Variants in GPC6 observed in about 807,000 individuals in gnomAD.
GPC6 encodes the protein glypican-6.
GPC6 carries 14 observed loss-of-function variants against 55.2 expected under a neutral mutation model. That is an observed-to-expected ratio of 0.25 (90% CI 0.17 to 0.40). GPC6 has a LOEUF of 0.40. Among genes scored for constraint, GPC6 ranks in the 10% least tolerant of loss-of-function variants. The pLI is 1.00. For missense variants in GPC6, 641 were observed against 708.5 expected (o/e 0.90, Z 1.08); for synonymous variants, 278 against 259.6 (o/e 1.07, Z -0.68).
intron 1 of GPC6, among the ~76,000 whole-genome samples, chr13:93,387,707 T>C (rs1038041737): frequency 6.6e-6 from 1 of 152,216 alleles, no homozygotes; most frequent in African/African-American, 2.4e-5. Context: ...AAATATTTGA[T>C]CTAATTGTAA....
rs752469460 is a variant in GPC6, at chr13:94,403,223, G to A, written c.*6G>A. The A allele has an allele frequency of 3.1e-6, 5 of 1,607,650 alleles. No individual in the cohort carries two copies. The African/African-American group carries it at 6.7e-5, about 21-fold the overall frequency. On this transcript the variant is annotated 3_prime_UTR_variant, in exon 9 of 9. Coordinates refer to ENST00000377047, the MANE Select transcript of GPC6 (RefSeq NM_005708.5). Reference sequence around the variant, plus strand: ...TGCAGAGACTGTGCAGATAATCTTGGGTTTTTGGTCAGATGAAACTGCATT... The same window carrying A: ...TGCAGAGACTGTGCAGATAATCTTGAGTTTTTGGTCAGATGAAACTGCATT...
intron 3 of GPC6, among the ~76,000 whole-genome samples, chr13:93,893,842 A>G (rs559598058): frequency 5.7e-4 from 86 of 152,210 alleles, no homozygotes; most frequent in Non-Finnish European, 1.1e-3. Flanking sequence ...TTTTAGCAGT[A>G]GAACACTTCA....
intron 6 of GPC6, among the ~76,000 whole-genome samples, chr13:94,333,878 A>G (rs1471068821): frequency 6.6e-6 from 1 of 152,194 alleles, no homozygotes; most frequent in African/African-American, 2.4e-5. Flanking sequence ...AGCCTGTGCA[A>G]CTATTAGGAT....
chr13:93,741,133 T>C (rs1337971400), intron 2 of GPC6, among the ~76,000 whole-genome samples: 1 of 144,818 alleles, frequency 6.9e-6, no homozygotes, highest in African/African-American at 2.5e-5. Context: ...TTTTTTTTTT[T>C]TTTTTTTTGA....
At chr13:93,843,474 G>T (rs1888035917) in intron 3 of GPC6, among the ~76,000 whole-genome samples, 2 of 152,142 alleles carry the variant, frequency 1.3e-5, no homozygotes, top group Admixed American at 1.3e-4. Context: ...AAAAAAATGT[G>T]TGGTAGAAAT....
At chr13:94,324,761 A>C (rs1877025848) in intron 6 of GPC6, among the ~76,000 whole-genome samples, 1 of 152,120 alleles carries the variant, frequency 6.6e-6, no homozygotes, top group African/African-American at 2.4e-5. Flanking sequence ...CTATCTCAGA[A>C]AATGCAGCAT....
rs140790499 is a variant in GPC6, at chr13:93,394,064, C to G, written c.161-151199C>G. ...TAGTCATGTTCTCCTGAATGGAACC[C>G]CTTCCCCTAACTTTTCCAAACATCG... On this transcript the variant is annotated intron_variant, in intron 1 of 8. Transcript: ENST00000377047. 3.4e-3 allele frequency among the ~76,000 whole-genome samples: 518 copies of G among 152,256 alleles called. 4 individuals carry two copies. The highest frequency in any genetic ancestry group is 0.012 in the African/African-American group (505 of 41,532).
chr13:93,536,606 A>C (rs561117783), intron 1 of GPC6, among the ~76,000 whole-genome samples: 2 of 152,294 alleles, frequency 1.3e-5, no homozygotes, highest in East Asian at 3.9e-4. Flanking sequence ...GTATACTAGA[A>C]GTTGTTTATT....
At chr13:94,290,550 A>T (rs929839087) in intron 5 of GPC6, among the ~76,000 whole-genome samples, 1 of 152,142 alleles carries the variant, frequency 6.6e-6, no homozygotes, top group Non-Finnish European at 1.5e-5. Flanking sequence ...TTGTATATAC[A>T]TGTGATGTTA....
At chr13:93,283,729 A>G (rs955354180) in intron 1 of GPC6, among the ~76,000 whole-genome samples, 5 of 152,226 alleles carry the variant, frequency 3.3e-5, no homozygotes, top group African/African-American at 1.2e-4. Flanking sequence ...AGTAATACAA[A>G]AAGTTAAAAC....
chr13:93,988,103 T>G (rs1881117192), intron 3 of GPC6, among the ~76,000 whole-genome samples: 2 of 152,270 alleles, frequency 1.3e-5, no homozygotes, highest in East Asian at 3.9e-4. Context: ...TTACCACGGG[T>G]AGTTTTTAAA....
intron 1 of GPC6, among the ~76,000 whole-genome samples, chr13:93,301,019 CAA>C (rs11405602): frequency 1.4e-5 from 2 of 142,606 alleles, no homozygotes; most frequent in African/African-American, 2.6e-5. Context: ...AACTCCGTCT[CAA>C]AAAAAAAAAA....
At chr13:93,602,207 C>T (rs1338961966) in intron 2 of GPC6, among the ~76,000 whole-genome samples, 1 of 152,132 alleles carries the variant, frequency 6.6e-6, no homozygotes, top group African/African-American at 2.4e-5. Context: ...CTAATGGTTT[C>T]GAGCTCTCAG....
At chr13:93,237,359 G>A (rs1410551725) in intron 1 of GPC6, among the ~76,000 whole-genome samples, 1 of 151,290 alleles carries the variant, frequency 6.6e-6, no homozygotes, top group East Asian at 1.9e-4. Flanking sequence ...TTGCCCATTT[G>A]TGTGTCTTCT....
chr13:94,129,001 G>A (rs141700990), intron 4 of GPC6, among the ~76,000 whole-genome samples: 1 of 152,086 alleles, frequency 6.6e-6, no homozygotes, highest in East Asian at 1.9e-4. Context: ...ATTTGTTTCA[G>A]TAACAACAAC....
rs1339452106 is a variant in GPC6 at position 93,911,153 on chromosome 13, AAC to A, written c.711+80610_711+80611del. ...CTTAATTAAATTCTATACAAAGAGG[AAC>A]AGAGTTTAGAGAGGCATTCACAGGC... On this transcript the variant is annotated intron_variant, in intron 3 of 8. Transcript: ENST00000377047. Among the ~76,000 whole-genome samples the A allele has an allele frequency of 4.6e-5, 7 of 152,208 alleles. 1 individual carries two copies. Among genetic ancestry groups the A allele is most frequent in the African/African-American group, 1.7e-4 (7 of 41,456 alleles).
intron 4 of GPC6, among the ~76,000 whole-genome samples, chr13:94,059,009 C>T (rs1884230001): frequency 6.6e-6 from 1 of 151,942 alleles, no homozygotes; most frequent in African/African-American, 2.4e-5. Context: ...ATTCTTGGCT[C>T]AACTCTAGTG....
intron 2 of GPC6, among the ~76,000 whole-genome samples, chr13:93,643,355 C>G (rs1043810575): frequency 6.6e-6 from 1 of 152,042 alleles, no homozygotes; most frequent in Non-Finnish European, 1.5e-5. Flanking sequence ...AGAGTCTCAG[C>G]TGGGCCTGAG....
At chr13:93,802,117 T>G (rs1886392154) in intron 2 of GPC6, among the ~76,000 whole-genome samples, 1 of 152,196 alleles carries the variant, frequency 6.6e-6, no homozygotes, top group South Asian at 2.1e-4. Context: ...TTATGACAGT[T>G]GTTTTTTCAC....
Sources: gnomAD v4.1 joint callset for allele counts (sites outside exome capture counted in the v4.1 genomes callset) on GRCh38, gnomAD v4.1.1 for gene constraint, MANE v1.5 for transcripts, NCBI Gene and HGNC (gene_info 2026-07-23, HGNC 2026-07-21) for gene names.